The following SMAP2 variants were observed in gnomAD, a reference collection of about 807,000 sequenced individuals.
The protein encoded by SMAP2 is stromal membrane-associated protein 2.
Under a neutral mutation model 56.4 loss-of-function variants are expected in SMAP2, and 25 were observed. The ratio of observed to expected loss-of-function variants is 0.44; its 90% CI spans 0.32 to 0.62. The LOEUF is 0.62. Ranked by LOEUF, SMAP2 falls within the 20% of genes least tolerant of loss-of-function variation. The probability of loss-of-function intolerance (pLI) is 0.04; values close to 1 mark genes in which losing one functional copy is unlikely to be tolerated. For synonymous variants in SMAP2, 157 were observed against 181.7 expected (o/e 0.86, Z 1.09); for missense variants, 388 against 545.6 (o/e 0.71, Z 2.88).
chr1:40,352,883 C>T (rs958627165), intron 1 of SMAP2, among the ~76,000 whole-genome samples: 37 of 152,110 alleles, frequency 2.4e-4, no homozygotes, highest in African/African-American at 7.2e-4. Context: ...GTAATGATCT[C>T]GACCACAATT....
At position 40,380,560 on chromosome 1, in the gene SMAP2, C is replaced by T. The variant is rs75933348; in HGVS notation, c.103+6337C>T. On this transcript the variant is annotated intron_variant, in intron 1 of 9. Coordinates refer to ENST00000372718, the MANE Select transcript of SMAP2 (RefSeq NM_022733.3). ...TTTTTTCTCTTTTGAGATGGAGTCT[C>T]GCTCTGTTGCCCAGGCTGGAGTGCA... Among the ~76,000 whole-genome samples the T allele has an allele frequency of 1.5e-3, 201 of 135,840 alleles. 3 individuals are homozygous for T. In the East Asian group the frequency reaches 0.04, roughly 27 times the overall value. The allele number at this position is 135,840 out of a possible 152,430, so 89.1% of individuals were successfully genotyped here.
intron 1 of SMAP2, among the ~76,000 whole-genome samples, chr1:40,352,413 TCTC>T (rs1225837188): frequency 3.3e-5 from 5 of 152,268 alleles, no homozygotes; most frequent in Admixed American, 2.0e-4. Flanking sequence ...CCTATAATGT[TCTC>T]CTCCTTGATT....
intron 1 of SMAP2, among the ~76,000 whole-genome samples, chr1:40,406,212 T>C (rs1402662480): frequency 6.6e-6 from 1 of 152,198 alleles, no homozygotes; most frequent in Non-Finnish European, 1.5e-5. Context: ...AAATAGAATA[T>C]GACATGGCTT....
intron 9 of SMAP2, among the ~76,000 whole-genome samples, chr1:40,419,993 CT>C (rs1645026617): frequency 1.3e-5 from 2 of 151,998 alleles, no homozygotes; most frequent in African/African-American, 4.8e-5. Context: ...GGCACTATTG[CT>C]TTTTTTGTAG....
intron 1 of SMAP2, among the ~76,000 whole-genome samples, chr1:40,358,733 G>C (rs539553368): frequency 6.6e-6 from 1 of 152,274 alleles, no homozygotes; most frequent in Admixed American, 6.5e-5. Context: ...TATCTATTAG[G>C]TTCATTCGAT....
Position 40,422,103 on chromosome 1 carries a change from A to T in SMAP2, c.*2A>T, listed in dbSNP as rs756073666. On this transcript the variant is annotated 3_prime_UTR_variant, in exon 10 of 10. Coordinates refer to ENST00000372718, the MANE Select transcript of SMAP2 (RefSeq NM_022733.3). The stretch of plus-strand genomic sequence containing the variant: ...CTCAGTCCTCAGATGTGGAAATAAA[A>T]ACAAAACACCTGTATGGCTGCCATT... The T allele has an allele frequency of 1.2e-6, 2 of 1,613,978 alleles. No homozygotes were observed. Among genetic ancestry groups the T allele is most frequent in the South Asian group, 2.2e-5 (2 of 91,078 alleles).
rs935280253 is a variant in SMAP2, at chr1:40,417,511, G to A, written c.1164+415G>A. Among the ~76,000 whole-genome samples the A allele has an allele frequency of 9.5e-5, 14 of 147,708 alleles. 1 individual carries two copies. Among genetic ancestry groups the A allele is most frequent in the East Asian group, 5.8e-4 (3 of 5,182 alleles). The stretch of plus-strand genomic sequence containing the variant: ...AGCATCACAGAGGAGACTGTAAAAA[G>A]AGAAGATGGAGCAGGGGCCTAGCAA... On this transcript the variant is annotated intron_variant, in intron 9 of 9. Transcript: ENST00000372718.
intron 1 of SMAP2, among the ~76,000 whole-genome samples, chr1:40,393,783 T>G (rs1218912938): frequency 6.6e-6 from 1 of 152,090 alleles, no homozygotes; most frequent in Non-Finnish European, 1.5e-5. Flanking sequence ...TGACCTCAGG[T>G]GATCCACCGG....
intron 1 of SMAP2, among the ~76,000 whole-genome samples, chr1:40,378,149 G>A (rs563904378): frequency 1.3e-5 from 2 of 152,132 alleles, no homozygotes; most frequent in African/African-American, 4.8e-5. Flanking sequence ...TTTAGAGACG[G>A]GGTCTTGCTC....
Position 40,409,702 on chromosome 1 carries a change from A to T in SMAP2, c.324-55A>T, listed in dbSNP as rs929212407. 3.3e-6 allele frequency: 4 copies of T among 1,218,394 alleles called. No individual in the cohort carries two copies. The Admixed American group carries it at 5.1e-5, about 16-fold the overall frequency. 75.5% of individuals were successfully genotyped at this position (1,218,394 alleles called of 1,614,324 possible). A position where few individuals can be genotyped will look rare whatever the true frequency, so the allele number is the denominator to read the frequency against. Reference sequence around the variant, plus strand: ...CTCCGTGGAACACAATTGATCTTTTATCTTCTTGCTGTTTGAGAGGCTTGT... The same window carrying T: ...CTCCGTGGAACACAATTGATCTTTTTTCTTCTTGCTGTTTGAGAGGCTTGT... On this transcript the variant is annotated intron_variant, in intron 3 of 9. Coordinates refer to ENST00000372718, the MANE Select transcript of SMAP2 (RefSeq NM_022733.3).
chr1:40,391,910 A>G (rs752491242), intron 1 of SMAP2, among the ~76,000 whole-genome samples: 18 of 152,250 alleles, frequency 1.2e-4, no homozygotes, highest in Non-Finnish European at 2.1e-4. Context: ...AGATGAAGAC[A>G]GTAACTTGAG....
intron 1 of SMAP2, among the ~76,000 whole-genome samples, chr1:40,391,479 G>C (rs750661935): frequency 1.3e-5 from 2 of 152,144 alleles, no homozygotes; most frequent in Non-Finnish European, 2.9e-5. Flanking sequence ...GGTAATGATT[G>C]AAATGTATGA....
chr1:40,403,993 G>A (rs531281101), intron 1 of SMAP2, among the ~76,000 whole-genome samples: 27 of 152,230 alleles, frequency 1.8e-4, no homozygotes, highest in Non-Finnish European at 3.4e-4. Flanking sequence ...AGCTACATGG[G>A]AGGCTGAGGT....
At chr1:40,360,382 C>A (rs541912682) in intron 1 of SMAP2, among the ~76,000 whole-genome samples, 1 of 151,008 alleles carries the variant, frequency 6.6e-6, no homozygotes, top group Admixed American at 6.6e-5. Context: ...TGGCTCACTG[C>A]AACCTCTGCC....
upstream of SMAP2, among the ~76,000 whole-genome samples, chr1:40,369,613 C>T (rs1347447969): frequency 6.7e-3 from 684 of 102,026 alleles, no homozygotes; most frequent in Middle Eastern, 0.011. Context: ...GAAAGGATTC[C>T]CTATTTAATA....
chr1:40,388,932 C>T (rs1205619228), intron 1 of SMAP2, among the ~76,000 whole-genome samples: 6 of 151,942 alleles, frequency 3.9e-5, no homozygotes, highest in East Asian at 1.9e-4. Context: ...ATTCCAGACG[C>T]GCTGCCTTAA....
chr1:40,417,130 T>C, intron 9 of SMAP2, 34 bp downstream of exon 9: 11 of 1,536,096 alleles, frequency 7.2e-6, no homozygotes, highest in Non-Finnish European at 9.8e-6. Flanking sequence ...AGCAAGAGTT[T>C]TGAGCCTTCC....
intron 1 of SMAP2, among the ~76,000 whole-genome samples, chr1:40,394,178 T>A (rs1316170458): frequency 6.6e-6 from 1 of 152,162 alleles, no homozygotes; most frequent in Admixed American, 6.5e-5. Flanking sequence ...TTAAGATAAG[T>A]GTTTCAATCA....
intron 1 of SMAP2, among the ~76,000 whole-genome samples, chr1:40,351,979 C>G (rs1644410993): frequency 6.6e-6 from 1 of 152,064 alleles, no homozygotes; most frequent in African/African-American, 2.4e-5. Flanking sequence ...CCCTGCAAAT[C>G]TGAGGCCCTC....
Sources: gnomAD v4.1 joint callset for allele counts (sites outside exome capture counted in the v4.1 genomes callset) on GRCh38, gnomAD v4.1.1 for gene constraint, MANE v1.5 for transcripts, NCBI Gene and HGNC (gene_info 2026-07-23, HGNC 2026-07-21) for gene names.